The following TRAPPC11 variants were observed in gnomAD, a reference collection of about 807,000 sequenced individuals.
The protein encoded by TRAPPC11 is trafficking protein particle complex subunit 11.
Under a neutral mutation model 151.2 loss-of-function variants are expected in TRAPPC11, and 104 were observed. The observed-to-expected ratio is 0.69, with a 90% CI of 0.59 to 0.81. The LOEUF is 0.81. Ranked by LOEUF, TRAPPC11 falls within the 30% of genes least tolerant of loss-of-function variation. TRAPPC11 has a pLI of 0.00. For synonymous variants in TRAPPC11, 456 were observed against 472.3 expected (o/e 0.97, Z 0.45); for missense variants, 1,230 against 1,349.6 (o/e 0.91, Z 1.39).
chr4:183,703,123 C>T (rs1323101251), intron 26 of TRAPPC11, among the ~76,000 whole-genome samples: 1 of 151,902 alleles, frequency 6.6e-6, no homozygotes, highest in Non-Finnish European at 1.5e-5. Flanking sequence ...AAGGAAAATC[C>T]CCTGGGTTTG....
At chr4:183,676,957 G>GT (rs140334741) in intron 7 of TRAPPC11, among the ~76,000 whole-genome samples, 2,812 of 152,198 alleles carry the variant, frequency 0.018, 105 homozygotes, top group East Asian at 0.13. Flanking sequence ...TAGAGACGGG[G>GT]TTTCACCCTG....
intron 9 of TRAPPC11, 64 bp downstream of exon 9, chr4:183,679,550 A>G: frequency 7.1e-7 from 1 of 1,418,060 alleles, no homozygotes; most frequent in South Asian, 1.5e-5. Flanking sequence ...GAGAAATAGC[A>G]TGGACTTTGG....
intron 2 of TRAPPC11, among the ~76,000 whole-genome samples, chr4:183,664,910 G>A (rs1734763991): frequency 6.6e-6 from 1 of 151,744 alleles, no homozygotes; most frequent in African/African-American, 2.4e-5. Context: ...AATGTAGATT[G>A]CAGCCCTCCT....
chr4:183,687,285 C>T (rs1252347985), intron 18 of TRAPPC11, among the ~76,000 whole-genome samples: 2 of 16,286 alleles, frequency 1.2e-4, no homozygotes. Context: ...CTTAAGAATT[C>T]TCTGTGTGTG....
chr4:183,680,924 C>G (rs1735655267), intron 10 of TRAPPC11, among the ~76,000 whole-genome samples: 1 of 151,830 alleles, frequency 6.6e-6, no homozygotes, highest in Non-Finnish European at 1.5e-5. Flanking sequence ...AACTCCTGAT[C>G]TCAGGTGATC....
At chr4:183,707,828 G>A (rs1239230754) in intron 28 of TRAPPC11, among the ~76,000 whole-genome samples, 2 of 151,900 alleles carry the variant, frequency 1.3e-5, no homozygotes, top group African/African-American at 4.8e-5. Flanking sequence ...TTTTTTCCAC[G>A]TGTTGACTTA....
chr4:183,707,252 T>G (rs890155808), intron 28 of TRAPPC11, among the ~76,000 whole-genome samples: 5 of 98,752 alleles, frequency 5.1e-5, no homozygotes, highest in African/African-American at 1.8e-4. Flanking sequence ...GTGTGTGTGT[T>G]TATGTGTGTG....
rs369105119 is a variant in TRAPPC11 at position 183,708,546 on chromosome 4, G to T, written c.3329G>T (p.Arg1110Leu). 2 of 1,613,942 alleles carry T rather than the reference G, an allele frequency of 1.2e-6. No individual in the cohort carries two copies. Among genetic ancestry groups the T allele is most frequent in the South Asian group, 1.1e-5 (1 of 91,056 alleles). Residue 1110 changes from arginine (R) to leucine (L), a missense_variant, in exon 29 of 30, where the codon CGT becomes CTT. Physicochemically the swap from Arg to Leu is moderately radical, Grantham distance 102 (BLOSUM62 -2). Transcript: ENST00000334690. Reference protein sequence around the residue: ...FPNFTNQLLRRFIPTSIFVKP... With the variant: ...FPNFTNQLLRLFIPTSIFVKP... ...AACTTCACAAATCAGCTGCTCAGGC[G>T]TTTTATACCTACCAGTATTTTTGTC...
chr4:183,686,778 A>C, intron 18 of TRAPPC11, 30 bp downstream of exon 18: 3 of 1,610,400 alleles, frequency 1.9e-6, no homozygotes, highest in Non-Finnish European at 2.5e-6. Flanking sequence ...TGTTTTTACC[A>C]CGTTTATCTT....
Position 183,683,983 on chromosome 4 carries a change from C to G in TRAPPC11, c.1216C>G (p.Leu406Val). The change falls in exon 12 of 30, where the codon CTT becomes GTT. Residue 406 changes from leucine to valine, a missense_variant. Leu to Val is a conservative substitution (Grantham distance 32). Coordinates refer to ENST00000334690, the MANE Select transcript of TRAPPC11 (RefSeq NM_021942.6). ...SWRQGILSFD[L>V]SDPEKEKVGI... ...TGTCTCATCTTACGCAGGTTTTGAT[C>G]TTTCTGATCCTGAAAAAGAAAAGGT... 1 of 1,613,912 alleles carries G rather than the reference C, an allele frequency of 6.2e-7. No homozygotes were observed. The highest frequency in any genetic ancestry group is 2.2e-5 in the East Asian group (1 of 44,838).
intron 10 of TRAPPC11, among the ~76,000 whole-genome samples, chr4:183,680,622 C>T (rs10013017): frequency 0.49 from 73,009 of 150,074 alleles, 18,288 homozygotes; most frequent in African/African-American, 0.6. Context: ...TTTTGACCCA[C>T]TGGAGAGGAT....
In TRAPPC11 at chr4:183,667,101, T is replaced by A; in HGVS notation, c.416T>A (p.Leu139Gln). Residue 139 changes from leucine (L) to glutamine (Q), a missense_variant, in exon 4 of 30, where the codon CTG becomes CAG. By Grantham distance (113) the Leu-to-Gln change is moderately radical (BLOSUM62 -2). Coordinates refer to ENST00000334690, the MANE Select transcript of TRAPPC11 (RefSeq NM_021942.6). ...QGRNTKVAVVLIQKKTPLPPG... is the reference protein window; with the variant it reads ...QGRNTKVAVVQIQKKTPLPPG... ...AGAAACACAAAAGTTGCAGTGGTTC[T>A]GATTCAGAAGAAAACCCCTTTGCCC... 1.2e-6 allele frequency: 2 copies of A among 1,605,660 alleles called. No homozygotes were observed. Among genetic ancestry groups the A allele is most frequent in the Non-Finnish European group, 1.7e-6 (2 of 1,174,520 alleles).
At chr4:183,689,762 A>G (rs1736162126) in intron 18 of TRAPPC11, among the ~76,000 whole-genome samples, 2 of 145,834 alleles carry the variant, frequency 1.4e-5, no homozygotes, top group South Asian at 4.4e-4. Context: ...TTTTCCCTTA[A>G]TAGCCTACTA....
At chr4:183,660,135 GT>G (rs1360393064) in intron 1 of TRAPPC11, among the ~76,000 whole-genome samples, 1 of 152,232 alleles carries the variant, frequency 6.6e-6, no homozygotes, top group African/African-American at 2.4e-5. Context: ...ATCTGCGCCT[GT>G]GCGTTATCGG....
chr4:183,704,828 A>G, intron 26 of TRAPPC11, 151 bp from the exon 27 acceptor site: 1 of 307,908 alleles, frequency 3.2e-6, no homozygotes, highest in Non-Finnish European at 6.0e-6. Context: ...AATAATAATA[A>G]AATAATAATA....
At chr4:183,709,924 A>G (rs2111108659) in intron 29 of TRAPPC11, among the ~76,000 whole-genome samples, 1 of 152,268 alleles carries the variant, frequency 6.6e-6, no homozygotes, top group South Asian at 2.1e-4. Context: ...TCTGCAGGGG[A>G]CGAGTCTCAT....
At chr4:183,676,208 G>A (rs1274277138) in intron 7 of TRAPPC11, among the ~76,000 whole-genome samples, 1 of 151,684 alleles carries the variant, frequency 6.6e-6, no homozygotes, top group Non-Finnish European at 1.5e-5. Flanking sequence ...GGAGTGCAGT[G>A]GCGCGATCTC....
At chr4:183,691,941 ATATAG>A (rs1420803128) in intron 19 of TRAPPC11, among the ~76,000 whole-genome samples, 6 of 152,170 alleles carry the variant, frequency 3.9e-5, no homozygotes, top group African/African-American at 2.4e-5. Context: ...GTAAAGATTG[ATATAG>A]TATAGATAAT....
intron 2 of TRAPPC11, 168 bp from the exon 3 acceptor site, chr4:183,666,089 C>T: frequency 1.8e-6 from 1 of 542,216 alleles, no homozygotes; most frequent in Non-Finnish European, 3.2e-6. Context: ...TGAGATTCCA[C>T]CTTCAACACT....
Sources: gnomAD v4.1 joint callset for allele counts (sites outside exome capture counted in the v4.1 genomes callset) on GRCh38, gnomAD v4.1.1 for gene constraint, MANE v1.5 for transcripts, NCBI Gene and HGNC (gene_info 2026-07-23, HGNC 2026-07-21) for gene names.